MB: variants seen among roughly 807,000 people sequenced by gnomAD.
MB encodes the protein nitrite reductase MB.
In MB, 10 loss-of-function variants were observed where a neutral mutation model predicts 14.5. The observed-to-expected ratio is 0.69, with a 90% CI of 0.43 to 1.17. The LOEUF (loss-of-function observed/expected upper bound fraction) is 1.17, where lower values mean the gene tolerates loss of function less well. Ranked by LOEUF, MB falls within the 50% of genes most tolerant of loss-of-function variation. The pLI is 0.00. For synonymous variants in MB, 89 were observed against 78.6 expected, an observed-to-expected ratio of 1.13 and a Z score of -0.70; for missense variants, 169 against 192.7, an observed-to-expected ratio of 0.88 and a Z score of 0.73.
chr22:35,622,226 T>A (rs1923512713), upstream of MB: 1 of 152,472 alleles, frequency 6.6e-6, no homozygotes, highest in Non-Finnish European at 1.5e-5. Flanking sequence ...TGGAGGCCAG[T>A]CTGGGCAGTG....
chr22:35,613,953 G>C (rs1922861365), intron 1 of MB, among the ~76,000 whole-genome samples: 1 of 152,232 alleles, frequency 6.6e-6, no homozygotes. Flanking sequence ...GGATTTGCCT[G>C]ATCCGGAAAA....
intron 1 of MB, chr22:35,622,670 A>T (rs1467196732): frequency 6.6e-6 from 1 of 152,302 alleles, no homozygotes; most frequent in Non-Finnish European, 1.5e-5. Context: ...GGGACACAAC[A>T]TCCTAATCCC....
upstream of MB, among the ~76,000 whole-genome samples, chr22:35,619,889 C>T (rs1294362489): frequency 6.6e-6 from 1 of 152,192 alleles, no homozygotes. Flanking sequence ...CGGCTGACTC[C>T]TAGCGACCAA....
Position 35,610,881 on chromosome 22 carries a change from T to C in MB, c.318+3A>G. On this transcript the variant is annotated splice_donor_region_variant and intron_variant, in intron 2 of 2. Transcript: ENST00000397326. ...CTCCCACCTGCCCAGGCTCTGCTCCTACCTCCAGGTACTTCACGGGGATCT... is the reference window on the plus strand; with the variant it reads ...CTCCCACCTGCCCAGGCTCTGCTCCCACCTCCAGGTACTTCACGGGGATCT... 6.2e-7 allele frequency: 1 copy of C among 1,612,464 alleles called. No individual in the cohort carries two copies. The highest frequency in any genetic ancestry group is 8.5e-7 in the Non-Finnish European group (1 of 1,179,180).
intron 1 of MB, among the ~76,000 whole-genome samples, chr22:35,613,302 GA>G (rs945943307): frequency 1.3e-5 from 2 of 152,216 alleles, no homozygotes; most frequent in African/African-American, 4.8e-5. Flanking sequence ...GATATCTAGG[GA>G]AGAGAACATG....
rs371628511 is a variant in MB, at chr22:35,613,650, C to T, written c.96-2544G>A. Among the ~76,000 whole-genome samples, 6 of 148,580 alleles carry T rather than the reference C, an allele frequency of 4.0e-5. No individual in the cohort carries two copies. In the East Asian group the frequency reaches 6.1e-4, roughly 15 times the overall value. ...AGCTGGGACTACAGGCACACACCAC[C>T]ACGCCCAGCTAATTTTGTTTATTTT... On this transcript the variant is annotated intron_variant, in intron 1 of 2. Coordinates refer to ENST00000397326, the MANE Select transcript of MB (RefSeq NM_005368.3).
chr22:35,613,348 A>G (rs1195505005), intron 1 of MB, among the ~76,000 whole-genome samples: 1 of 152,212 alleles, frequency 6.6e-6, no homozygotes, highest in East Asian at 1.9e-4. Context: ...TTCCGGTCCC[A>G]GTTCTGGCGC....
rs1341852668 is a variant in MB at position 35,608,968 on chromosome 22, A to G, written c.319-1525T>C. On this transcript the variant is annotated intron_variant, in intron 2 of 2. Transcript: ENST00000397326. The surrounding 1 kb of genome is among the most constrained non-coding windows in gnomAD (Gnocchi z 4.3). Reference sequence around the variant, plus strand: ...GCGAAGGTCCACCGTGAGGGGGAAAAGCAGACATCTGGGCTCTGTCTCAAT... The same window carrying G: ...GCGAAGGTCCACCGTGAGGGGGAAAGGCAGACATCTGGGCTCTGTCTCAAT... Among the ~76,000 whole-genome samples, 1 of 152,174 alleles carries G rather than the reference A, an allele frequency of 6.6e-6. No individual in the cohort carries two copies. Among genetic ancestry groups the G allele is most frequent in the Non-Finnish European group, 1.5e-5 (1 of 68,026 alleles).
At chr22:35,622,671 T>A (rs1923549339) in intron 1 of MB, 2 of 152,302 alleles carry the variant, frequency 1.3e-5, no homozygotes, top group Admixed American at 6.5e-5. Flanking sequence ...GGACACAACA[T>A]CCTAATCCCT....
chr22:35,607,526 T>C, intron 2 of MB, 83 bp from the exon 3 acceptor site: 1 of 1,381,806 alleles, frequency 7.2e-7, no homozygotes. Flanking sequence ...CCTCCTACCT[T>C]CTCTTTATTC....
Position 35,607,296 on chromosome 22 carries a change from C to A in MB, c.*1G>T. On this transcript the variant is annotated 3_prime_UTR_variant, in exon 3 of 3. Coordinates refer to ENST00000397326, the MANE Select transcript of MB (RefSeq NM_005368.3). ...TGGGTGGGGGTGGGAGCGGCAGGGG[C>A]CTAGCCCTGGAAGCCCAGCTCCTTG... 11 of 1,611,566 alleles carry A rather than the reference C, an allele frequency of 6.8e-6. No homozygotes were observed. The highest frequency in any genetic ancestry group is 8.5e-6 in the Non-Finnish European group (10 of 1,178,372).
At chr22:35,620,050 G>T (rs947678662), upstream of MB, among the ~76,000 whole-genome samples, 2 of 152,198 alleles carry the variant, frequency 1.3e-5, no homozygotes, top group African/African-American at 4.8e-5. Context: ...AAAATGCCAT[G>T]GGGGGCCGGG....
intron 1 of MB, 148 bp downstream of exon 1, chr22:35,617,015 A>G: frequency 1.6e-6 from 1 of 639,776 alleles, no homozygotes; most frequent in Non-Finnish European, 2.8e-6. Context: ...CTGACACTTA[A>G]AAGCAAAGAA....
intron 1 of MB, among the ~76,000 whole-genome samples, chr22:35,611,309 G>A (rs1024687202): frequency 2.0e-5 from 3 of 152,170 alleles, no homozygotes; most frequent in African/African-American, 7.2e-5. Context: ...GAGATAGTGT[G>A]TGCTATGTAC....
chr22:35,610,817 C>G, intron 2 of MB, 67 bp downstream of exon 2: 4 of 1,306,376 alleles, frequency 3.1e-6, no homozygotes, highest in Non-Finnish European at 4.3e-6. Flanking sequence ...TGGACTCGAA[C>G]CCAGATCCCA....
chr22:35,613,772 A>G (rs1489958543), intron 1 of MB, among the ~76,000 whole-genome samples: 2 of 152,204 alleles, frequency 1.3e-5, no homozygotes, highest in African/African-American at 4.8e-5. Flanking sequence ...TGCTGGGATT[A>G]TAGGCCTGAG....
rs557597416 is a variant in MB, at chr22:35,612,644, C to T, written c.96-1538G>A. Among the ~76,000 whole-genome samples the T allele has an allele frequency of 5.9e-5, 9 of 152,230 alleles. No homozygotes were observed. The South Asian group carries it at 6.2e-4, about 11-fold the overall frequency. The stretch of plus-strand genomic sequence containing the variant: ...GATTTTAAAATCCTGATGGGGTAGA[C>T]GCCATTTTGCAGAGGAAGAAACAGA... On this transcript the variant is annotated intron_variant, in intron 1 of 2. Transcript: ENST00000397326.
intron 2 of MB, among the ~76,000 whole-genome samples, chr22:35,607,661 G>A (rs991457423): frequency 2.3e-4 from 35 of 152,114 alleles, no homozygotes; most frequent in Non-Finnish European, 4.1e-4. Flanking sequence ...ATTTACAGAT[G>A]CAGAAACTGA....
In MB at chr22:35,614,564, G is replaced by A. The variant is rs192554403; in HGVS notation, c.95+2599C>T. On this transcript the variant is annotated intron_variant, in intron 1 of 2. Coordinates refer to ENST00000397326, the MANE Select transcript of MB (RefSeq NM_005368.3). ...AATTCCAGCTCCTTTCTTACTTGCT[G>A]TGTGACTTGGCGTAAGTTACTTAAC... 2.0e-5 allele frequency among the ~76,000 whole-genome samples: 3 copies of A among 151,234 alleles called. No homozygotes were observed. The East Asian group carries it at 5.8e-4, about 29-fold the overall frequency.
Sources: gnomAD v4.1 joint callset for allele counts (sites outside exome capture counted in the v4.1 genomes callset) on GRCh38, gnomAD v4.1.1 for gene constraint, Gnocchi (gnomAD v3.1) non-coding constraint, MANE v1.5 for transcripts, NCBI Gene and HGNC (gene_info 2026-07-23, HGNC 2026-07-21) for gene names.